MYO1E: variants seen among roughly 807,000 people sequenced by gnomAD.
The protein encoded by MYO1E is unconventional myosin-Ie.
In MYO1E, 68 loss-of-function variants were observed where a neutral mutation model predicts 151.1. That is an observed-to-expected ratio of 0.45 (90% CI 0.37 to 0.55). The LOEUF is 0.55. Ranked by LOEUF, MYO1E falls within the 20% of genes least tolerant of loss-of-function variation. The pLI is 0.00. For missense variants in MYO1E, 1,363 were observed against 1,389.3 expected (o/e 0.98, Z 0.30); for synonymous variants, 601 against 501.7 (o/e 1.20, Z -2.64).
intron 1 of MYO1E, among the ~76,000 whole-genome samples, chr15:59,274,703 A>G (rs2080308053): frequency 6.6e-6 from 1 of 152,142 alleles, no homozygotes; most frequent in African/African-American, 2.4e-5. Context: ...AGCGTAACCC[A>G]AGTTTGTCTC....
In MYO1E at chr15:59,360,358, GA is replaced by G. The variant is rs554470838; in HGVS notation, c.3+12139del. 3.4e-5 allele frequency among the ~76,000 whole-genome samples: 5 copies of G among 148,264 alleles called. No individual in the cohort carries two copies. The East Asian group carries it at 5.9e-4, about 17-fold the overall frequency. On this transcript the variant is annotated intron_variant, in intron 1 of 27. Transcript: ENST00000288235. ...AAAAGACATGACTTTCAACCAAGGG[GA>G]AAAAAAAAAGAATTTTTGTCTGTGT...
intron 13 of MYO1E, among the ~76,000 whole-genome samples, 188 bp downstream of exon 13, chr15:59,210,326 T>G (rs1335139665): frequency 6.6e-6 from 1 of 152,014 alleles, no homozygotes; most frequent in Non-Finnish European, 1.5e-5. Context: ...ATCCACATGT[T>G]CATATTTACT....
At chr15:59,370,770 T>C (rs2140447341) in intron 1 of MYO1E, among the ~76,000 whole-genome samples, 1 of 152,304 alleles carries the variant, frequency 6.6e-6, no homozygotes, top group South Asian at 2.1e-4. Context: ...TGAGGGGAAG[T>C]TAATTTCCTC....
At chr15:59,274,609 T>C (rs1348163165) in intron 1 of MYO1E, among the ~76,000 whole-genome samples, 1 of 152,190 alleles carries the variant, frequency 6.6e-6, no homozygotes, top group Non-Finnish European at 1.5e-5. Flanking sequence ...TAAGTACTTA[T>C]TCAACTTCTA....
chr15:59,213,360 G>A (rs1596368650), intron 12 of MYO1E, among the ~76,000 whole-genome samples: 1 of 151,698 alleles, frequency 6.6e-6, no homozygotes, highest in South Asian at 2.1e-4. Flanking sequence ...TAGTAGAGAC[G>A]GGGTTTCATC....
intron 9 of MYO1E, among the ~76,000 whole-genome samples, chr15:59,219,207 G>T (rs1426263060): frequency 6.6e-6 from 1 of 152,088 alleles, no homozygotes; most frequent in Non-Finnish European, 1.5e-5. Flanking sequence ...TTACCAAGGA[G>T]GGCTAGTGAT....
At chr15:59,208,487 A>T in intron 14 of MYO1E, 194 bp downstream of exon 14, 1 of 673,784 alleles carries the variant, frequency 1.5e-6, no homozygotes, top group Non-Finnish European at 2.6e-6. Flanking sequence ...TTCTTCTACA[A>T]TGTAAAAATA....
chr15:59,288,123 C>T (rs1265666241), intron 1 of MYO1E, among the ~76,000 whole-genome samples: 3 of 152,128 alleles, frequency 2.0e-5, no homozygotes, highest in South Asian at 2.1e-4. Context: ...TGTCACTCAC[C>T]GACTCACCAA....
At chr15:59,172,063 A>C in intron 21 of MYO1E, 21 bp from the exon 22 acceptor site, 4 of 1,612,846 alleles carry the variant, frequency 2.5e-6, no homozygotes, top group Non-Finnish European at 3.4e-6. Flanking sequence ...AGGAGCTTTA[A>C]GAAGCTGGAC....
chr15:59,164,686 G>A, intron 22 of MYO1E, among the ~76,000 whole-genome samples: 1 of 152,170 alleles, frequency 6.6e-6, no homozygotes, highest in East Asian at 1.9e-4. Flanking sequence ...ACAGGTCAAG[G>A]TAGGGGTTGG....
At chr15:59,355,594 A>G (rs1351299279) in intron 1 of MYO1E, among the ~76,000 whole-genome samples, 1 of 152,254 alleles carries the variant, frequency 6.6e-6, no homozygotes, top group South Asian at 2.1e-4. Flanking sequence ...AGTTTCACTA[A>G]GCATTTTAAA....
intron 1 of MYO1E, among the ~76,000 whole-genome samples, chr15:59,351,490 A>G (rs181735477): frequency 6.6e-6 from 1 of 152,324 alleles, no homozygotes; most frequent in East Asian, 1.9e-4. Flanking sequence ...TTTAATTTAG[A>G]CCGTAATGCA....
chr15:59,313,149 G>A (rs1391003460), intron 1 of MYO1E, among the ~76,000 whole-genome samples: 1 of 152,182 alleles, frequency 6.6e-6, no homozygotes, highest in Non-Finnish European at 1.5e-5. Context: ...TTATAAATAA[G>A]TTTGTAATTA....
intron 1 of MYO1E, among the ~76,000 whole-genome samples, chr15:59,340,183 G>A (rs2080756512): frequency 6.6e-6 from 1 of 151,950 alleles, no homozygotes; most frequent in African/African-American, 2.4e-5. Flanking sequence ...AAATTGGCTG[G>A]GCATGGTGGT....
At chr15:59,247,721 A>C (rs543932081) in intron 4 of MYO1E, among the ~76,000 whole-genome samples, 1 of 152,340 alleles carries the variant, frequency 6.6e-6, no homozygotes, top group East Asian at 1.9e-4. Context: ...AGGCCACCAC[A>C]AATCAGTTGA....
intron 1 of MYO1E, among the ~76,000 whole-genome samples, chr15:59,319,883 C>A (rs1259956869): frequency 1.5e-4 from 23 of 152,050 alleles, no homozygotes; most frequent in African/African-American, 5.3e-4. Context: ...GCCTGGGCAA[C>A]AAGAGCAAAA....
At chr15:59,300,992 G>C (rs1465088383) in intron 1 of MYO1E, among the ~76,000 whole-genome samples, 2 of 150,148 alleles carry the variant, frequency 1.3e-5, no homozygotes, top group Non-Finnish European at 3.0e-5. Context: ...CTCAGCCTCT[G>C]GAGTAGCTGG....
intron 7 of MYO1E, among the ~76,000 whole-genome samples, chr15:59,225,650 CT>C (rs113019199): frequency 0.2 from 28,465 of 139,076 alleles, 3,210 homozygotes; most frequent in East Asian, 0.54. Context: ...CTTTTCTTTT[CT>C]TTTTTTTTTT....
At chr15:59,153,835 A>G in intron 25 of MYO1E, 44 bp from the exon 26 acceptor site, 1 of 1,554,322 alleles carries the variant, frequency 6.4e-7, no homozygotes, top group Non-Finnish European at 8.9e-7. Context: ...AGATTTTTGG[A>G]TCCTTTGCCA....
Sources: gnomAD v4.1 joint callset for allele counts (sites outside exome capture counted in the v4.1 genomes callset) on GRCh38, gnomAD v4.1.1 for gene constraint, MANE v1.5 for transcripts, NCBI Gene and HGNC (gene_info 2026-07-23, HGNC 2026-07-21) for gene names.